Variants in RGL1 observed in about 807,000 individuals in gnomAD.
RGL1 encodes ral guanine nucleotide dissociation stimulator-like 1.
Under a neutral mutation model 95.2 loss-of-function variants are expected in RGL1, and 24 were observed. The observed-to-expected ratio is 0.25, with a 90% CI of 0.18 to 0.35. The LOEUF (loss-of-function observed/expected upper bound fraction) is 0.35, where lower values mean the gene tolerates loss of function less well. Among genes scored for constraint, RGL1 ranks in the 10% least tolerant of loss-of-function variants. RGL1 has a pLI of 1.00. For missense variants in RGL1, 715 were observed against 936.3 expected, an observed-to-expected ratio of 0.76 and a Z score of 3.08; for synonymous variants, 329 against 344.9, an observed-to-expected ratio of 0.95 and a Z score of 0.51.
chr1:183,865,902 A>G, intron 3 of RGL1, 94 bp from the exon 4 acceptor site: 1 of 827,568 alleles, frequency 1.2e-6, no homozygotes, highest in South Asian at 1.4e-5. Flanking sequence ...TACTTCTGAA[A>G]AGTATAACTG....
At chr1:183,860,858 C>T (rs988859602) in intron 3 of RGL1, among the ~76,000 whole-genome samples, 1 of 152,148 alleles carries the variant, frequency 6.6e-6, no homozygotes, top group Non-Finnish European at 1.5e-5. Context: ...GTACGTAGTC[C>T]TTAGTAAATA....
At chr1:183,823,245 A>C (rs1662619094) in intron 2 of RGL1, among the ~76,000 whole-genome samples, 1 of 152,226 alleles carries the variant, frequency 6.6e-6, no homozygotes, top group South Asian at 2.1e-4. Flanking sequence ...TATTGCCCCC[A>C]AGACTTATAG....
At chr1:183,897,559 A>G (rs916989883) in intron 9 of RGL1, among the ~76,000 whole-genome samples, 1 of 152,022 alleles carries the variant, frequency 6.6e-6, no homozygotes, top group African/African-American at 2.4e-5. Flanking sequence ...AAAAAAAAAA[A>G]AAACAAAGTT....
intron 4 of RGL1, among the ~76,000 whole-genome samples, chr1:183,874,504 G>A (rs755498410): frequency 1.1e-4 from 16 of 151,234 alleles, no homozygotes; most frequent in African/African-American, 3.2e-4. Flanking sequence ...CCTTCTTGCC[G>A]TGGAGGTTTT....
At chr1:183,746,044 C>G (rs1177810856) in intron 2 of RGL1, among the ~76,000 whole-genome samples, 1 of 146,242 alleles carries the variant, frequency 6.8e-6, no homozygotes, top group Non-Finnish European at 1.5e-5. Flanking sequence ...TTGCTAAGTG[C>G]TTATTTTTTA....
chr1:183,762,981 A>C (rs192563979), intron 2 of RGL1, among the ~76,000 whole-genome samples: 47 of 152,322 alleles, frequency 3.1e-4, no homozygotes, highest in Admixed American at 2.9e-3. Flanking sequence ...CAAAGACCTG[A>C]AACCAATCCA....
At chr1:183,679,935 G>A (rs1299912613) in intron 1 of RGL1, among the ~76,000 whole-genome samples, 1 of 152,122 alleles carries the variant, frequency 6.6e-6, no homozygotes, top group Non-Finnish European at 1.5e-5. Flanking sequence ...GTATCTCATT[G>A]TGGTTTTGAT....
At chr1:183,738,415 C>T (rs1438124929) in intron 1 of RGL1, among the ~76,000 whole-genome samples, 2 of 149,824 alleles carry the variant, frequency 1.3e-5, no homozygotes, top group African/African-American at 2.5e-5. Context: ...AGCAAGACTC[C>T]GTCTAAAAAA....
chr1:183,799,915 A>T (rs114662266), intron 2 of RGL1, among the ~76,000 whole-genome samples: 2,615 of 152,334 alleles, frequency 0.017, 67 homozygotes, highest in African/African-American at 0.059. Context: ...AAGTAGAGAG[A>T]GGAGATACAT....
rs905309714 is a variant in RGL1, at chr1:183,884,586, A to G, written c.736-137A>G. ...TATTTACTTTTGTCTGTTGAAATGG[A>G]CACCATGAGACAAATCAAGTAGAAA... On this transcript the variant is annotated intron_variant, in intron 6 of 17. Coordinates refer to ENST00000360851, the MANE Select transcript of RGL1 (RefSeq NM_001297671.3). The G allele has an allele frequency of 2.2e-5, 15 of 673,538 alleles. No homozygotes were observed. The African/African-American group carries it at 2.5e-4, about 11-fold the overall frequency. 41.7% of individuals were successfully genotyped at this position (673,538 alleles called of 1,614,324 possible).
intron 8 of RGL1, among the ~76,000 whole-genome samples, chr1:183,891,605 C>T (rs1318512926): frequency 3.9e-5 from 6 of 152,210 alleles, no homozygotes; most frequent in Non-Finnish European, 8.8e-5. Flanking sequence ...ATTTGGCTTC[C>T]ATACCTACAA....
At chr1:183,718,386 C>T (rs1441379449) in intron 1 of RGL1, among the ~76,000 whole-genome samples, 1 of 152,202 alleles carries the variant, frequency 6.6e-6, no homozygotes, top group Non-Finnish European at 1.5e-5. Flanking sequence ...TTTCAATAGT[C>T]ACCATACACT....
chr1:183,758,264 T>C (rs993221415), intron 2 of RGL1, among the ~76,000 whole-genome samples: 2 of 151,766 alleles, frequency 1.3e-5, no homozygotes, highest in Non-Finnish European at 2.9e-5. Context: ...TGGCACGATC[T>C]TGGTTCACTG....
At position 183,928,280 on chromosome 1, in the gene RGL1, A is replaced by C. The variant is rs575206019; in HGVS notation, c.*1988A>C. The stretch of plus-strand genomic sequence containing the variant: ...TACTGTATATGTAGAGTCTAGATTT[A>C]TATACTGCAATGTAAAATATATATA... On this transcript the variant is annotated 3_prime_UTR_variant, in exon 18 of 18. Coordinates refer to ENST00000360851, the MANE Select transcript of RGL1 (RefSeq NM_001297671.3). 1 of 152,252 alleles carries C rather than the reference A, an allele frequency of 6.6e-6. No homozygotes were observed. The highest frequency in any genetic ancestry group is 2.1e-4 in the South Asian group (1 of 4,798). The allele number at this position is 152,252 out of a possible 1,614,324, so 9.4% of individuals were successfully genotyped here. A position where few individuals can be genotyped will look rare whatever the true frequency, so the allele number is the denominator to read the frequency against.
chr1:183,775,387 A>G lies in RGL1; in HGVS notation c.133-30988A>G, dbSNP rs902151989. Among the ~76,000 whole-genome samples the G allele has an allele frequency of 3.9e-5, 6 of 152,186 alleles. No individual in the cohort carries two copies. In the East Asian group the frequency reaches 1.2e-3, roughly 29 times the overall value. ...CTTGTGAATGCAGTGCACTGATTTA[A>G]TTTTCTGCACACTTATGAGATAGTA... On this transcript the variant is annotated intron_variant, in intron 2 of 18. Transcript: ENST00000304685.
At chr1:183,855,115 G>A (rs1280414851) in intron 3 of RGL1, among the ~76,000 whole-genome samples, 1 of 152,108 alleles carries the variant, frequency 6.6e-6, no homozygotes, top group Non-Finnish European at 1.5e-5. Flanking sequence ...AATAAATAAT[G>A]GTTATCATTA....
intron 16 of RGL1, among the ~76,000 whole-genome samples, chr1:183,918,052 T>C (rs368440700): frequency 1.1e-4 from 16 of 152,356 alleles, no homozygotes; most frequent in African/African-American, 3.6e-4. Flanking sequence ...ATTCATTTAG[T>C]TACCAACTTT....
chr1:183,789,242 G>T (rs138099240), intron 2 of RGL1, among the ~76,000 whole-genome samples: 46 of 152,070 alleles, frequency 3.0e-4, no homozygotes, highest in Non-Finnish European at 6.3e-4. Flanking sequence ...TCAGGAGTTC[G>T]AGAGCAGCCT....
rs534722125 is a variant in RGL1 at position 183,891,994 on chromosome 1, T to G, written c.1056-83T>G. The G allele has an allele frequency of 2.0e-5, 20 of 986,156 alleles. No homozygotes were observed. In the South Asian group the frequency reaches 2.6e-4, roughly 13 times the overall value. The allele number at this position is 986,156 out of a possible 1,614,324, so 61.1% of individuals were successfully genotyped here. ...GATCAGCACAGTCCCTCCTTAGACA[T>G]GAGTCCTGAGGACAGCTGGGCCAAA... On this transcript the variant is annotated intron_variant, in intron 8 of 17. Coordinates refer to ENST00000360851, the MANE Select transcript of RGL1 (RefSeq NM_001297671.3).
Sources: gnomAD v4.1 joint callset for allele counts (sites outside exome capture counted in the v4.1 genomes callset) on GRCh38, gnomAD v4.1.1 for gene constraint, MANE v1.5 for transcripts, NCBI Gene and HGNC (gene_info 2026-07-23, HGNC 2026-07-21) for gene names.